Variants in NTRK2 observed in about 807,000 individuals in gnomAD.
NTRK2 encodes BDNF/NT-3 growth factors receptor.
Under a neutral mutation model 94.5 loss-of-function variants are expected in NTRK2, and 13 were observed. The ratio of observed to expected loss-of-function variants is 0.14; its 90% CI spans 0.09 to 0.22. NTRK2 has a LOEUF of 0.22. NTRK2 is among the 10% of genes least tolerant of loss of function. The pLI, the probability that NTRK2 is intolerant of heterozygous loss-of-function variation, is 1.00. For synonymous variants in NTRK2, 372 were observed against 407.4 expected (o/e 0.91, Z 1.05); for missense variants, 639 against 1,071.2 (o/e 0.60, Z 5.63).
At chr9:84,796,169 G>A (rs1187196797) in intron 12 of NTRK2, among the ~76,000 whole-genome samples, 1 of 152,048 alleles carries the variant, frequency 6.6e-6, no homozygotes, top group Non-Finnish European at 1.5e-5. Context: ...GGTTATTAAG[G>A]TGGCTTAATG....
rs1458347632 is a variant in NTRK2, at chr9:84,946,693, G to A, written c.1765-1769G>A. On this transcript the variant is annotated intron_variant, in intron 15 of 18. Coordinates refer to ENST00000277120, the MANE Select transcript of NTRK2 (RefSeq NM_006180.6). ...TCTACAGCTGCTATAACAGGTTACT[G>A]CAAATTCACCAGCTTAAACAACACA... 2.0e-5 allele frequency among the ~76,000 whole-genome samples: 3 copies of A among 152,330 alleles called. No homozygotes were observed. In the East Asian group the frequency reaches 5.8e-4, roughly 29 times the overall value.
intron 14 of NTRK2, among the ~76,000 whole-genome samples, chr9:84,894,760 T>A (rs530815015): frequency 3.3e-5 from 5 of 152,322 alleles, no homozygotes; most frequent in Admixed American, 6.5e-5. Flanking sequence ...CAGATAACTA[T>A]CAGTCATTTC....
chr9:84,973,557 G>T (rs138296454), intron 17 of NTRK2, among the ~76,000 whole-genome samples: 54 of 152,314 alleles, frequency 3.5e-4, no homozygotes, highest in African/African-American at 1.2e-3. Flanking sequence ...TTGACCTGCT[G>T]ACAAACATAG....
rs3780637 is a variant in NTRK2 at position 84,917,142 on chromosome 9, G to A, written c.1634-17020G>A. ...TTTGGAGAGAGGTTTGACTTTGGGG[G>A]CATAGAAGTCCTTGTTGGCAGTCAA... On this transcript the variant is annotated intron_variant, in intron 14 of 18. Transcript: ENST00000277120. 4.7e-3 allele frequency among the ~76,000 whole-genome samples: 716 copies of A among 152,244 alleles called. 12 individuals are homozygous for A. The highest frequency in any genetic ancestry group is 0.038 in the Admixed American group (578 of 15,294).
intron 17 of NTRK2, among the ~76,000 whole-genome samples, chr9:84,964,480 T>C (rs1825323150): frequency 6.6e-6 from 1 of 152,186 alleles, no homozygotes; most frequent in South Asian, 2.1e-4. Flanking sequence ...ATGAATAGTA[T>C]CCTCACATGC....
chr9:85,006,537 G>A (rs7854894), intron 17 of NTRK2, among the ~76,000 whole-genome samples: 106,475 of 151,534 alleles, frequency 0.7, 38,089 homozygotes, highest in African/African-American at 0.8. Context: ...AGGCTGCTGT[G>A]GTTGGATGGC....
intron 14 of NTRK2, among the ~76,000 whole-genome samples, chr9:84,906,725 T>A (rs1362133059): frequency 1.3e-5 from 2 of 152,108 alleles, no homozygotes; most frequent in Non-Finnish European, 2.9e-5. Context: ...AACTCCCAGC[T>A]CCATGAAGAC....
intron 15 of NTRK2, 136 bp from the exon 16 acceptor site, chr9:84,948,326 A>T: frequency 1.1e-6 from 1 of 888,516 alleles, no homozygotes; most frequent in Admixed American, 2.0e-5. Context: ...TTCCTCAGTT[A>T]TTAGCACAAA....
In NTRK2 at chr9:84,702,143, C is replaced by G. The variant is rs539463486; in HGVS notation, c.213-16C>G. On this transcript the variant is annotated splice_polypyrimidine_tract_variant and intron_variant, in intron 2 of 18. Transcript: ENST00000277120. ...ACATTCTGAGTCACTGCGATTCACT[C>G]TCTGCTTTGTTACAGTTTCATCGCA... The G allele has an allele frequency of 2.2e-5, 35 of 1,611,768 alleles. 1 individual carries two copies. Among genetic ancestry groups the G allele is most frequent in the Middle Eastern group, 3.3e-4 (2 of 6,050 alleles).
At chr9:84,878,582 C>T (rs573998573) in intron 14 of NTRK2, among the ~76,000 whole-genome samples, 1 of 149,634 alleles carries the variant, frequency 6.7e-6, no homozygotes, top group Non-Finnish European at 1.5e-5. Context: ...TGCAGTGAGC[C>T]GAGATCATGC....
intron 9 of NTRK2, among the ~76,000 whole-genome samples, chr9:84,730,751 A>AAC (rs1366824951): frequency 8.8e-6 from 1 of 114,136 alleles, no homozygotes; most frequent in Non-Finnish European, 1.7e-5. Context: ...AAAAAAAAAA[A>AAC]AAAAAAAAAC....
intron 14 of NTRK2, among the ~76,000 whole-genome samples, chr9:84,880,173 C>T (rs558919749): frequency 5.1e-4 from 78 of 152,242 alleles, no homozygotes; most frequent in African/African-American, 1.7e-3. Flanking sequence ...GGGTTCACTC[C>T]TCGGAGATTA....
intron 17 of NTRK2, among the ~76,000 whole-genome samples, chr9:84,964,454 A>C (rs1490952025): frequency 6.6e-6 from 1 of 152,140 alleles, no homozygotes; most frequent in African/African-American, 2.4e-5. Context: ...TCTTTTGGGA[A>C]GTTTTTCCTT....
At chr9:84,929,420 A>G (rs1311523084) in intron 14 of NTRK2, among the ~76,000 whole-genome samples, 1 of 152,142 alleles carries the variant, frequency 6.6e-6, no homozygotes. Context: ...TATTTCCTAT[A>G]GCTCTTATTT....
intron 16 of NTRK2, among the ~76,000 whole-genome samples, chr9:84,949,711 C>A (rs2078715805): frequency 6.6e-6 from 1 of 152,146 alleles, no homozygotes; most frequent in Non-Finnish European, 1.5e-5. Flanking sequence ...AGTGATCTGC[C>A]TCCCTTAGCC....
chr9:84,991,290 T>G (rs1014864068), intron 17 of NTRK2, among the ~76,000 whole-genome samples: 3 of 152,220 alleles, frequency 2.0e-5, no homozygotes, highest in African/African-American at 7.2e-5. Context: ...GGTAGCATCT[T>G]GTTAACGAGA....
intron 12 of NTRK2, chr9:84,811,142 A>G (rs766697746): frequency 2.8e-6 from 3 of 1,063,582 alleles, no homozygotes; most frequent in African/African-American, 1.6e-5. Flanking sequence ...AGTTAAGGGT[A>G]TATATACCAT....
chr9:84,684,653 C>T (rs1223116417), intron 2 of NTRK2, among the ~76,000 whole-genome samples: 4 of 152,156 alleles, frequency 2.6e-5, no homozygotes, highest in South Asian at 4.1e-4. Flanking sequence ...TACTATTTGT[C>T]GTTGAACTTT....
chr9:84,710,790 T>C lies in NTRK2; in HGVS notation c.582T>C (p.Cys194=), dbSNP rs757222136. 6.2e-7 allele frequency: 1 copy of C among 1,614,016 alleles called. No homozygotes were observed. The highest frequency in any genetic ancestry group is 1.7e-5 in the Admixed American group (1 of 60,016). ...IPLANLQIPN[C]GLPSANLAAP... ...TGGCAAACCTGCAGATACCCAATTG[T>C]GGTAATTTATTTTTAAATCAATGTG... The change falls in exon 6 of 19, where the codon TGT becomes TGC. Residue 194 remains cysteine, a splice_region_variant and synonymous_variant. Transcript: ENST00000277120.
Sources: gnomAD v4.1 joint callset for allele counts (sites outside exome capture counted in the v4.1 genomes callset) on GRCh38, gnomAD v4.1.1 for gene constraint, MANE v1.5 for transcripts, NCBI Gene and HGNC (gene_info 2026-07-23, HGNC 2026-07-21) for gene names.